The following TMEM163 variants were observed in gnomAD, a reference collection of about 807,000 sequenced individuals.
The protein encoded by TMEM163 is transmembrane protein 163.
In TMEM163, 17 loss-of-function variants were observed where a neutral mutation model predicts 29.3. The observed-to-expected ratio is 0.58, with a 90% CI of 0.40 to 0.87. The LOEUF is 0.87. Among genes scored for constraint, TMEM163 ranks in the 40% least tolerant of loss-of-function variants. The pLI, the probability that TMEM163 is intolerant of heterozygous loss-of-function variation, is 0.00. For synonymous variants in TMEM163, 157 were observed against 160.6 expected, an observed-to-expected ratio of 0.98 and a Z score of 0.17; for missense variants, 303 against 381.5, an observed-to-expected ratio of 0.79 and a Z score of 1.71.
rs371077796 is a variant in TMEM163 at position 134,460,221 on chromosome 2, G to C, written c.668-2048C>G. Among the ~76,000 whole-genome samples the C allele has an allele frequency of 6.6e-6, 1 of 151,852 alleles. No individual in the cohort carries two copies. Among genetic ancestry groups the C allele is most frequent in the Non-Finnish European group, 1.5e-5 (1 of 67,978 alleles). ...TCTCCCGCAGGAAAGCCCCCGTCAC[G>C]GGCTCAAATCCCACCAGACCCCTCA... is the stretch of plus-strand genomic sequence containing the variant. On this transcript the variant is annotated intron_variant, in intron 6 of 7. Coordinates refer to ENST00000281924, the MANE Select transcript of TMEM163 (RefSeq NM_030923.5). This position sits in a 1 kb window ranked among gnomAD's most constrained non-coding sequence, Gnocchi z 4.3.
chr2:134,528,746 GTCT>G (rs1680348388), intron 4 of TMEM163, among the ~76,000 whole-genome samples: 1 of 142,266 alleles, frequency 7.0e-6, no homozygotes, highest in Non-Finnish European at 1.6e-5. Flanking sequence ...TTAGTAATAT[GTCT>G]CACACTTCTG....
At chr2:134,566,608 G>A (rs1198082123) in intron 2 of TMEM163, among the ~76,000 whole-genome samples, 2 of 152,162 alleles carry the variant, frequency 1.3e-5, no homozygotes, top group Non-Finnish European at 2.9e-5. Context: ...GTGAGGGCAT[G>A]AGGACAAATG....
At chr2:134,561,380 A>G (rs1047170323) in intron 2 of TMEM163, among the ~76,000 whole-genome samples, 2 of 136,324 alleles carry the variant, frequency 1.5e-5, no homozygotes, top group African/African-American at 5.2e-5. Flanking sequence ...ATTTTTTTGT[A>G]TTTTTTTTTA....
intron 2 of TMEM163, among the ~76,000 whole-genome samples, chr2:134,563,798 T>C (rs1681234237): frequency 6.6e-6 from 1 of 152,136 alleles, no homozygotes; most frequent in African/African-American, 2.4e-5. Context: ...CTCACACCTG[T>C]AATCCCAGCA....
At chr2:134,576,592 C>T (rs1001555842) in intron 2 of TMEM163, among the ~76,000 whole-genome samples, 1 of 152,146 alleles carries the variant, frequency 6.6e-6, no homozygotes, top group Non-Finnish European at 1.5e-5. Context: ...AAAGGTCTCC[C>T]ACACAAAAAG....
chr2:134,718,802 T>TG lies in TMEM163; in HGVS notation c.133dup (p.Gln45ProfsTer80). 8.7e-7 allele frequency: 1 copy of TG among 1,143,298 alleles called. No homozygotes were observed. The allele number at this position is 1,143,298 out of a possible 1,614,324, so 70.8% of individuals were successfully genotyped here. On this transcript the variant is annotated frameshift_variant, in exon 1 of 8. Coordinates refer to ENST00000281924, the MANE Select transcript of TMEM163 (RefSeq NM_030923.5). LOFTEE classifies it high-confidence loss of function. ...CCGCACCTGCCGCTCCTCCTCCAGC[T>TG]GGGGCGGCTCGCGCACCGGGGAGCT...
At position 134,596,394 on chromosome 2, in the gene TMEM163, G is replaced by C. The variant is rs191417451; in HGVS notation, c.323-44303C>G. ...AATCCTTTCCCCATTTCTTGTTTTT[G>C]TCAGGTTTGTCAAAGATCAGATAGT... On this transcript the variant is annotated intron_variant, in intron 2 of 7. Transcript: ENST00000281924. 4.8e-3 allele frequency among the ~76,000 whole-genome samples: 724 copies of C among 152,140 alleles called. 5 individuals are homozygous for C. The highest frequency in any genetic ancestry group is 0.015 in the African/African-American group (617 of 41,478).
At chr2:134,571,507 G>A (rs191538758) in intron 2 of TMEM163, among the ~76,000 whole-genome samples, 9 of 152,190 alleles carry the variant, frequency 5.9e-5, no homozygotes, top group Admixed American at 2.0e-4. Flanking sequence ...TACAAAATAC[G>A]TTTTCAGAGA....
intron 2 of TMEM163, among the ~76,000 whole-genome samples, chr2:134,706,184 G>A (rs745574703): frequency 5.9e-5 from 9 of 152,172 alleles, no homozygotes; most frequent in African/African-American, 1.7e-4. Flanking sequence ...TGCTTCAATC[G>A]GGGGTTAGGG....
Position 134,505,239 on chromosome 2 carries a change from C to CTT in TMEM163, c.459-2244_459-2243dup, listed in dbSNP as rs78772358. Among the ~76,000 whole-genome samples the CTT allele has an allele frequency of 1.6e-3, 206 of 130,214 alleles. 1 individual carries two copies. The highest frequency in any genetic ancestry group is 5.9e-3 in the African/African-American group (195 of 33,292). The allele number at this position is 130,214 out of a possible 152,430, so 85.4% of individuals were successfully genotyped here. On this transcript the variant is annotated intron_variant, in intron 4 of 7. Transcript: ENST00000281924. ...CACATTGTACTCACCTGGGGAATTC[C>CTT]TTTTTTTTTTTTTTTTTTTTTTAAA...
intron 2 of TMEM163, among the ~76,000 whole-genome samples, chr2:134,611,986 G>A (rs1358950010): frequency 2.0e-5 from 3 of 152,222 alleles, no homozygotes; most frequent in African/African-American, 4.8e-5. Flanking sequence ...AACAGGGGAA[G>A]TGGAAGAAAC....
rs143870838 is a variant in TMEM163, at chr2:134,550,045, T to C, written c.458+525A>G. On this transcript the variant is annotated intron_variant, in intron 4 of 7. Coordinates refer to ENST00000281924, the MANE Select transcript of TMEM163 (RefSeq NM_030923.5). Reference sequence around the variant, plus strand: ...GGGGTTTACAAATGATATAAAGAGATGGAAGTTGGAAAAGACATATGTTTT... The same window carrying C: ...GGGGTTTACAAATGATATAAAGAGACGGAAGTTGGAAAAGACATATGTTTT... Among the ~76,000 whole-genome samples the C allele has an allele frequency of 4.6e-3, 698 of 152,256 alleles. 9 individuals are homozygous for C. The highest frequency in any genetic ancestry group is 0.016 in the African/African-American group (651 of 41,544).
At chr2:134,568,385 G>A (rs1460477680) in intron 2 of TMEM163, among the ~76,000 whole-genome samples, 1 of 152,056 alleles carries the variant, frequency 6.6e-6, no homozygotes, top group East Asian at 1.9e-4. Context: ...AAATTACCCA[G>A]ACATGGTGGT....
Position 134,495,913 on chromosome 2 carries a change from C to T in TMEM163, c.555+6988G>A, listed in dbSNP as rs112835730. Among the ~76,000 whole-genome samples, 6 of 152,308 alleles carry T rather than the reference C, an allele frequency of 3.9e-5. 1 individual carries two copies. Among genetic ancestry groups the T allele is most frequent in the African/African-American group, 1.4e-4 (6 of 41,568 alleles). On this transcript the variant is annotated intron_variant, in intron 5 of 7. Coordinates refer to ENST00000281924, the MANE Select transcript of TMEM163 (RefSeq NM_030923.5). The stretch of plus-strand genomic sequence containing the variant: ...TTCTATTTCTGTTTCCTTGTTCCCA[C>T]CTCATGAAGCCCACTATTCTGCCAT...
intron 2 of TMEM163, among the ~76,000 whole-genome samples, chr2:134,555,632 A>G (rs1681033737): frequency 6.6e-6 from 1 of 152,262 alleles, no homozygotes; most frequent in Admixed American, 6.5e-5. Flanking sequence ...TGGTCAGAGT[A>G]GAAACACATT....
chr2:134,489,312 G>T (rs1161514491), intron 5 of TMEM163, among the ~76,000 whole-genome samples: 1 of 151,766 alleles, frequency 6.6e-6, no homozygotes, highest in Non-Finnish European at 1.5e-5. Flanking sequence ...GATGATGATG[G>T]TTCACACCTG....
chr2:134,550,216 C>T (rs1307089821), intron 4 of TMEM163, among the ~76,000 whole-genome samples: 1 of 152,266 alleles, frequency 6.6e-6, no homozygotes, highest in East Asian at 1.9e-4. Flanking sequence ...CTGTAAATGA[C>T]AGTGGAGAAT....
intron 4 of TMEM163, among the ~76,000 whole-genome samples, chr2:134,519,364 G>A (rs539253728): frequency 2.6e-5 from 4 of 152,164 alleles, no homozygotes; most frequent in African/African-American, 4.8e-5. Context: ...GGTTTGTGTC[G>A]GCCTCAAATG....
intron 4 of TMEM163, among the ~76,000 whole-genome samples, chr2:134,518,913 T>C (rs922703683): frequency 6.6e-6 from 1 of 152,106 alleles, no homozygotes. Context: ...TATTATACTG[T>C]CAAAATAAAA....
Sources: allele counts gnomAD v4.1 joint callset (sites outside exome capture counted in the v4.1 genomes callset), GRCh38; gene constraint gnomAD v4.1.1; non-coding constraint Gnocchi (gnomAD v3.1); transcripts MANE v1.5; gene names NCBI Gene and HGNC (gene_info 2026-07-23, HGNC 2026-07-21).